The following LRRC8C variants were observed in gnomAD, a reference collection of about 807,000 sequenced individuals.
LRRC8C encodes volume-regulated anion channel subunit LRRC8C.
Under a neutral mutation model 55.3 loss-of-function variants are expected in LRRC8C, and 20 were observed. The observed-to-expected ratio is 0.36, with a 90% CI of 0.25 to 0.53. The LOEUF (loss-of-function observed/expected upper bound fraction) is 0.53, where lower values mean the gene tolerates loss of function less well. Ranked by LOEUF, LRRC8C falls within the 20% of genes least tolerant of loss-of-function variation. LRRC8C has a pLI of 0.92. For synonymous variants in LRRC8C, 376 were observed against 360.7 expected, an observed-to-expected ratio of 1.04 and a Z score of -0.48; for missense variants, 659 against 951.4, an observed-to-expected ratio of 0.69 and a Z score of 4.04.
intron 1 of LRRC8C, among the ~76,000 whole-genome samples, chr1:89,665,480 C>G (rs534707517): frequency 6.6e-6 from 1 of 152,124 alleles, no homozygotes; most frequent in South Asian, 2.1e-4. Flanking sequence ...ATGTTGGCGT[C>G]TTCGTTTTTA....
chr1:89,692,738 C>T (rs927807338), intron 2 of LRRC8C, among the ~76,000 whole-genome samples: 2 of 152,172 alleles, frequency 1.3e-5, no homozygotes, highest in African/African-American at 4.8e-5. Context: ...TGTCCTATTC[C>T]TGTACAGTCA....
At chr1:89,704,217 C>A (rs1347726623) in intron 2 of LRRC8C, among the ~76,000 whole-genome samples, 1 of 152,146 alleles carries the variant, frequency 6.6e-6, no homozygotes, top group East Asian at 1.9e-4. Flanking sequence ...CCAACCTCAG[C>A]CTTTAACCTC....
At chr1:89,706,894 T>G (rs946761413) in intron 2 of LRRC8C, among the ~76,000 whole-genome samples, 1 of 152,198 alleles carries the variant, frequency 6.6e-6, no homozygotes, top group African/African-American at 2.4e-5. Flanking sequence ...CTGTTGTGTT[T>G]TCTCAACATG....
intron 1 of LRRC8C, among the ~76,000 whole-genome samples, chr1:89,636,446 A>G (rs1656284388): frequency 6.6e-6 from 1 of 152,254 alleles, no homozygotes. Context: ...TACTCATTCT[A>G]TAGTTTTTCC....
intron 2 of LRRC8C, among the ~76,000 whole-genome samples, chr1:89,703,715 A>G (rs1278338473): frequency 1.3e-5 from 2 of 152,112 alleles, no homozygotes; most frequent in Non-Finnish European, 2.9e-5. Flanking sequence ...AAGAACAGAA[A>G]TACAGTCGCT....
At chr1:89,641,971 T>A (rs1222086944) in intron 1 of LRRC8C, among the ~76,000 whole-genome samples, 1 of 152,246 alleles carries the variant, frequency 6.6e-6, no homozygotes, top group Non-Finnish European at 1.5e-5. Context: ...TGCCATATGA[T>A]ATTGCACAAC....
chr1:89,714,271 C>T lies in LRRC8C; in HGVS notation c.1701C>T (p.Leu567=), dbSNP rs1352986956. 6.2e-7 allele frequency: 1 copy of T among 1,613,944 alleles called. No individual in the cohort carries two copies. The highest frequency in any genetic ancestry group is 2.2e-5 in the East Asian group (1 of 44,892). Residue 567 remains leucine, a synonymous_variant, in exon 3 of 3, where the codon CTC becomes CTT. Transcript: ENST00000370454. The surrounding 1 kb of genome is among the most constrained non-coding windows in gnomAD (Gnocchi z 4.6). ...CAGTGGTTGATGTTTCCAGCCATCT[C>T]CAGAAGATGTGCATACATAATGATG... ...PQAVVDVSSH[L]QKMCIHNDGT... is the part of the protein sequence containing the mutation.
At chr1:89,697,768 C>A (rs548894097) in intron 2 of LRRC8C, among the ~76,000 whole-genome samples, 1 of 152,104 alleles carries the variant, frequency 6.6e-6, no homozygotes, top group Non-Finnish European at 1.5e-5. Context: ...ATCTCACCCA[C>A]CCCCTTCATT....
chr1:89,700,524 C>T (rs1186356815), intron 2 of LRRC8C, among the ~76,000 whole-genome samples: 1 of 152,102 alleles, frequency 6.6e-6, no homozygotes, highest in East Asian at 1.9e-4. Flanking sequence ...TTATGCCAAC[C>T]TAATAGTAGA....
chr1:89,626,763 C>T, the LRRC8C span: 1 of 152,138 alleles, frequency 6.6e-6, no homozygotes, highest in South Asian at 2.1e-4. Flanking sequence ...CCTACCCCTA[C>T]AGCAGGTGAA....
At chr1:89,710,675 C>T (rs182094811) in intron 2 of LRRC8C, among the ~76,000 whole-genome samples, 2 of 152,314 alleles carry the variant, frequency 1.3e-5, no homozygotes, top group Admixed American at 6.5e-5. Flanking sequence ...TTTATCTTCC[C>T]AAGACAGAAC....
upstream of LRRC8C, chr1:89,632,268 G>C (rs1201197224): frequency 6.6e-6 from 1 of 152,154 alleles, no homozygotes; most frequent in Non-Finnish European, 1.5e-5. Flanking sequence ...ATCAATGAGA[G>C]AGAACCCCTC....
At chr1:89,638,052 A>C (rs534601088) in intron 1 of LRRC8C, among the ~76,000 whole-genome samples, 2 of 152,212 alleles carry the variant, frequency 1.3e-5, no homozygotes, top group Non-Finnish European at 2.9e-5. Context: ...AATCAATTTT[A>C]AGAAAAATGT....
the LRRC8C span, among the ~76,000 whole-genome samples, chr1:89,618,478 G>A: frequency 2.0e-5 from 3 of 152,188 alleles, no homozygotes; most frequent in Non-Finnish European, 2.9e-5. Flanking sequence ...TGTGTTGAAA[G>A]CAGCACTTTG....
intron 2 of LRRC8C, among the ~76,000 whole-genome samples, chr1:89,692,365 T>TA (rs1242833652): frequency 6.6e-6 from 1 of 152,222 alleles, no homozygotes; most frequent in Non-Finnish European, 1.5e-5. Flanking sequence ...CAACAGCTTT[T>TA]AGAGTAACTA....
chr1:89,715,000 T>C lies in LRRC8C; in HGVS notation c.*18T>C. The C allele has an allele frequency of 6.5e-7, 1 of 1,532,990 alleles. No homozygotes were observed. The highest frequency in any genetic ancestry group is 1.3e-5 in the South Asian group (1 of 79,528). 95.0% of individuals were successfully genotyped at this position (1,532,990 alleles called of 1,614,324 possible). A position where few individuals can be genotyped will look rare whatever the true frequency, so the allele number is the denominator to read the frequency against. ...CAGAATAACTTATTTTTCGTTAAAG[T>C]TTGACTGAAACACGCTTCTACCAAA... On this transcript the variant is annotated 3_prime_UTR_variant, in exon 3 of 3. Coordinates refer to ENST00000370454, the MANE Select transcript of LRRC8C (RefSeq NM_032270.5). The surrounding 1 kb of genome is among the most constrained non-coding windows in gnomAD (Gnocchi z 4.6).
At chr1:89,705,285 A>T (rs1340320920) in intron 2 of LRRC8C, among the ~76,000 whole-genome samples, 2 of 60,952 alleles carry the variant, frequency 3.3e-5, no homozygotes, top group African/African-American at 1.4e-4. Flanking sequence ...GGGTGGGGGG[A>T]GGGGGGAGGG....
chr1:89,672,488 A>T (rs1657448894), intron 1 of LRRC8C, among the ~76,000 whole-genome samples: 1 of 152,240 alleles, frequency 6.6e-6, no homozygotes, highest in Non-Finnish European at 1.5e-5. Context: ...GAAAGAATAA[A>T]TAAAGTTCCA....
the LRRC8C span, among the ~76,000 whole-genome samples, chr1:89,621,324 C>T: frequency 4.9e-5 from 7 of 144,296 alleles, no homozygotes; most frequent in Non-Finnish European, 1.0e-4. Context: ...AAAAAATTAG[C>T]CAGGCGTGGT....
Sources: allele counts gnomAD v4.1 joint callset (sites outside exome capture counted in the v4.1 genomes callset), GRCh38; gene constraint gnomAD v4.1.1; non-coding constraint Gnocchi (gnomAD v3.1); transcripts MANE v1.5; gene names NCBI Gene and HGNC (gene_info 2026-07-23, HGNC 2026-07-21).